The following SPTLC3 variants were observed in gnomAD, a reference collection of about 807,000 sequenced individuals.
SPTLC3 encodes the protein serine palmitoyltransferase long chain base subunit 3.
In SPTLC3, 36 loss-of-function variants were observed where a neutral mutation model predicts 59.3. The observed-to-expected ratio is 0.61, with a 90% CI of 0.47 to 0.80. The LOEUF (loss-of-function observed/expected upper bound fraction) is 0.80, where lower values mean the gene tolerates loss of function less well. Ranked by LOEUF, SPTLC3 falls within the 30% of genes least tolerant of loss-of-function variation. The pLI is 0.00. For missense variants in SPTLC3, 625 were observed against 685.1 expected, an observed-to-expected ratio of 0.91 and a Z score of 0.98; for synonymous variants, 257 against 240.8, an observed-to-expected ratio of 1.07 and a Z score of -0.62.
intron 6 of SPTLC3, among the ~76,000 whole-genome samples, chr20:13,094,500 C>G (rs1989344777): frequency 6.6e-6 from 1 of 152,082 alleles, no homozygotes; most frequent in Non-Finnish European, 1.5e-5. Context: ...CTTCATTTTT[C>G]CCTGTTCCTC....
intron 8 of SPTLC3, among the ~76,000 whole-genome samples, chr20:13,118,573 C>T (rs1313863090): frequency 1.3e-5 from 2 of 151,666 alleles, no homozygotes; most frequent in East Asian, 3.9e-4. Context: ...GTTATCTGAA[C>T]AATGAGAGGA....
chr20:13,028,405 A>G (rs1459206040), intron 1 of SPTLC3, among the ~76,000 whole-genome samples: 2 of 152,034 alleles, frequency 1.3e-5, no homozygotes, highest in Non-Finnish European at 2.9e-5. Context: ...ATTGTACCAA[A>G]GTTTTTATTC....
chr20:13,150,637 C>G (rs1002959471), intron 9 of SPTLC3, among the ~76,000 whole-genome samples: 1 of 152,192 alleles, frequency 6.6e-6, no homozygotes, highest in Non-Finnish European at 1.5e-5. Flanking sequence ...CTTTCAGATT[C>G]ATCCTACTCC....
chr20:13,050,446 C>T (rs944226991), intron 2 of SPTLC3: 1 of 152,048 alleles, frequency 6.6e-6, no homozygotes, highest in African/African-American at 2.4e-5. Flanking sequence ...TGTTAAACAA[C>T]CAAACCTAAG....
At chr20:13,100,093 A>G (rs866811060) in intron 6 of SPTLC3, among the ~76,000 whole-genome samples, 4 of 152,170 alleles carry the variant, frequency 2.6e-5, no homozygotes, top group African/African-American at 9.7e-5. Context: ...AGCAGTACCA[A>G]TGGAAGTGGA....
chr20:13,021,544 C>CG (rs1174911248), intron 1 of SPTLC3, among the ~76,000 whole-genome samples: 3 of 522 alleles, frequency 5.7e-3, no homozygotes, highest in African/African-American at 0.012. Flanking sequence ...ACCACAACAG[C>CG]CCCCCCACCA....
intron 8 of SPTLC3, among the ~76,000 whole-genome samples, chr20:13,123,264 A>G (rs1040479497): frequency 6.6e-6 from 1 of 151,806 alleles, no homozygotes; most frequent in Non-Finnish European, 1.5e-5. Flanking sequence ...CCAGGAGACG[A>G]AGGTTGCAGT....
chr20:13,112,473 G>C (rs555228446), intron 7 of SPTLC3, among the ~76,000 whole-genome samples: 32 of 152,290 alleles, frequency 2.1e-4, no homozygotes, highest in African/African-American at 6.7e-4. Flanking sequence ...ACATCATGAG[G>C]CCAGCCCCGA....
rs550503680 is a variant in SPTLC3 at position 13,164,187 on chromosome 20, C to T, written c.1546-567C>T. ...GCAAAATGGGGGATACATGTACCCA[C>T]CTAAAGTAAGAGAGTTGAAACAGAC... On this transcript the variant is annotated intron_variant, in intron 11 of 11. Coordinates refer to ENST00000399002, the MANE Select transcript of SPTLC3 (RefSeq NM_018327.4). Among the ~76,000 whole-genome samples the T allele has an allele frequency of 9.2e-5, 14 of 152,162 alleles. No individual in the cohort carries two copies. In the South Asian group the frequency reaches 2.5e-3, roughly 27 times the overall value.
At chr20:13,089,710 C>T (rs552455089) in intron 4 of SPTLC3, among the ~76,000 whole-genome samples, 3 of 148,118 alleles carry the variant, frequency 2.0e-5, no homozygotes, top group Non-Finnish European at 4.4e-5. Context: ...TGATTGAACC[C>T]GAGAGGCTGA....
Position 13,071,810 on chromosome 20 carries a change from C to T in SPTLC3, c.304-446C>T, listed in dbSNP as rs561338711. ...TTCCATTGGCCATGTAACAGCTAGC[C>T]ACCCTCGAGTAGCAGTTTTGCCAGC... On this transcript the variant is annotated intron_variant, in intron 2 of 11. Transcript: ENST00000399002. 1.0e-3 allele frequency among the ~76,000 whole-genome samples: 158 copies of T among 152,290 alleles called. 3 individuals carry two copies. The highest frequency in any genetic ancestry group is 1.9e-4 in the Non-Finnish European group (13 of 68,032).
intron 2 of SPTLC3, among the ~76,000 whole-genome samples, chr20:13,065,527 C>T (rs1278296305): frequency 6.6e-6 from 1 of 151,682 alleles, no homozygotes; most frequent in Non-Finnish European, 1.5e-5. Context: ...ATAATGTATT[C>T]TATTAACACT....
intron 9 of SPTLC3, among the ~76,000 whole-genome samples, chr20:13,148,418 A>G (rs1228271582): frequency 6.6e-6 from 1 of 152,140 alleles, no homozygotes; most frequent in Non-Finnish European, 1.5e-5. Flanking sequence ...AACCACCCTC[A>G]GGGGTGGGGT....
In SPTLC3 at chr20:13,167,643, C is replaced by T. The variant is rs2039000628; in HGVS notation, c.*2776C>T. ...ATAAGGAAATGGCATAGACTTATTC[C>T]TAATCTCATTATGAAACGATGGTGT... On this transcript the variant is annotated 3_prime_UTR_variant, in exon 12 of 12. Transcript: ENST00000399002. 1.3e-5 allele frequency: 2 copies of T among 152,146 alleles called. No homozygotes were observed. The highest frequency in any genetic ancestry group is 1.3e-4 in the Admixed American group (2 of 15,268). 9.4% of individuals were successfully genotyped at this position (152,146 alleles called of 1,614,324 possible). A position where few individuals can be genotyped will look rare whatever the true frequency, so the allele number is the denominator to read the frequency against.
intron 3 of SPTLC3, among the ~76,000 whole-genome samples, chr20:13,073,391 T>A (rs146480686): frequency 1.4e-4 from 22 of 152,206 alleles, no homozygotes; most frequent in Non-Finnish European, 2.5e-4. Context: ...GTTTTCTTTC[T>A]TTTTCTTTCT....
intron 5 of SPTLC3, 144 bp from the exon 6 acceptor site, chr20:13,093,340 C>A: frequency 1.6e-6 from 1 of 641,068 alleles, no homozygotes; most frequent in Non-Finnish European, 2.7e-6. Context: ...CACATAGACA[C>A]CAGGTTAAAC....
At chr20:13,140,840 G>T (rs906663124) in intron 9 of SPTLC3, among the ~76,000 whole-genome samples, 16 of 152,138 alleles carry the variant, frequency 1.1e-4, no homozygotes, top group African/African-American at 3.9e-4. Context: ...ATACAACCAT[G>T]CCTCTTTGTT....
In SPTLC3 at chr20:13,137,052, G is replaced by A. The variant is rs547284941; in HGVS notation, c.1279+10335G>A. 8.5e-4 allele frequency among the ~76,000 whole-genome samples: 129 copies of A among 152,230 alleles called. 1 individual carries two copies. Among genetic ancestry groups the A allele is most frequent in the South Asian group, 1.5e-3 (7 of 4,814 alleles). On this transcript the variant is annotated intron_variant, in intron 9 of 11. Coordinates refer to ENST00000399002, the MANE Select transcript of SPTLC3 (RefSeq NM_018327.4). The stretch of plus-strand genomic sequence containing the variant: ...CCAATAAGAGAAGGATGGGGAAATT[G>A]AGTCTGCAAATTAGAGCTAAGTCCC...
chr20:13,028,651 A>G (rs1600214877), intron 1 of SPTLC3, among the ~76,000 whole-genome samples: 2 of 152,300 alleles, frequency 1.3e-5, no homozygotes, highest in African/African-American at 4.8e-5. Flanking sequence ...GTTATAGACT[A>G]GTATTTAGGA....
Sources: allele counts gnomAD v4.1 joint callset (sites outside exome capture counted in the v4.1 genomes callset), GRCh38; gene constraint gnomAD v4.1.1; transcripts MANE v1.5; gene names NCBI Gene and HGNC (gene_info 2026-07-23, HGNC 2026-07-21).